Variants in CCDC178 observed in about 807,000 individuals in gnomAD.
CCDC178 encodes the protein coiled-coil domain-containing protein 178.
Under a neutral mutation model 117.4 loss-of-function variants are expected in CCDC178, and 126 were observed. The observed-to-expected ratio is 1.07, with a 90% CI of 0.93 to 1.24. The LOEUF (loss-of-function observed/expected upper bound fraction) is 1.24. CCDC178 is among the 50% of genes most tolerant of loss of function. The probability of loss-of-function intolerance (pLI) is 0.00; values close to 1 mark genes in which losing one functional copy is unlikely to be tolerated. For synonymous variants in CCDC178, 283 were observed against 313.4 expected (o/e 0.90, Z 1.02); for missense variants, 1,030 against 986.9 (o/e 1.04, Z -0.59).
chr18:32,981,289 A>G (rs1320041438), intron 21 of CCDC178, among the ~76,000 whole-genome samples: 1 of 152,252 alleles, frequency 6.6e-6, no homozygotes, highest in Non-Finnish European at 1.5e-5. Context: ...ACTATGTAAA[A>G]ATGGCATTAA....
At chr18:32,942,346 C>T (rs1439154097) in intron 22 of CCDC178, among the ~76,000 whole-genome samples, 1 of 152,084 alleles carries the variant, frequency 6.6e-6, no homozygotes, top group Non-Finnish European at 1.5e-5. Context: ...ATACCACTTC[C>T]AGATCAATCT....
At chr18:33,007,608 T>C (rs2055777701) in intron 21 of CCDC178, among the ~76,000 whole-genome samples, 1 of 152,112 alleles carries the variant, frequency 6.6e-6, no homozygotes, top group South Asian at 2.1e-4. Context: ...TCAAATTATA[T>C]TGGTCCTCAT....
chr18:33,060,843 G>A (rs1459030991), intron 21 of CCDC178, among the ~76,000 whole-genome samples: 6 of 151,956 alleles, frequency 3.9e-5, no homozygotes, highest in Non-Finnish European at 1.5e-5. Context: ...AAAAACAATA[G>A]CACTTAATCA....
At chr18:33,200,646 ATTC>A (rs2058980896) in intron 20 of CCDC178, among the ~76,000 whole-genome samples, 1 of 152,182 alleles carries the variant, frequency 6.6e-6, no homozygotes, top group Non-Finnish European at 1.5e-5. Flanking sequence ...TACTTGAAGT[ATTC>A]TTTTCTTGGC....
chr18:33,163,120 C>A (rs529653557), intron 20 of CCDC178, among the ~76,000 whole-genome samples: 3 of 152,194 alleles, frequency 2.0e-5, no homozygotes, highest in East Asian at 3.9e-4. Flanking sequence ...TTAATAATTG[C>A]CATTCTGACT....
At chr18:33,038,784 T>A (rs1182439547) in intron 21 of CCDC178, among the ~76,000 whole-genome samples, 7 of 151,988 alleles carry the variant, frequency 4.6e-5, no homozygotes, top group Non-Finnish European at 1.0e-4. Context: ...ACAACTTAAA[T>A]GTAGACGAAG....
chr18:33,014,111 T>C (rs2055930030), intron 21 of CCDC178, among the ~76,000 whole-genome samples: 1 of 152,196 alleles, frequency 6.6e-6, no homozygotes, highest in Admixed American at 6.5e-5. Context: ...ATTCTCCTAC[T>C]TCAACTCCTC....
chr18:33,175,042 A>T (rs201498751), intron 20 of CCDC178, among the ~76,000 whole-genome samples: 12 of 126,928 alleles, frequency 9.5e-5, no homozygotes, highest in African/African-American at 2.6e-4. Flanking sequence ...TTATTTTTTT[A>T]TTTTTTTTGG....
intron 2 of CCDC178, among the ~76,000 whole-genome samples, chr18:33,414,368 C>G (rs1339016880): frequency 6.6e-6 from 1 of 151,956 alleles, no homozygotes; most frequent in Non-Finnish European, 1.5e-5. Flanking sequence ...TACATAAGAA[C>G]AGAACAGAGC....
intron 2 of CCDC178, among the ~76,000 whole-genome samples, chr18:33,415,791 T>C (rs1029658178): frequency 2.6e-5 from 4 of 152,180 alleles, no homozygotes; most frequent in African/African-American, 9.7e-5. Context: ...ATATACACTT[T>C]TCCTTATTCC....
At chr18:33,265,625 G>T (rs1267410610) in intron 14 of CCDC178, among the ~76,000 whole-genome samples, 4 of 151,980 alleles carry the variant, frequency 2.6e-5, no homozygotes, top group Admixed American at 2.6e-4. Flanking sequence ...TAATAAGGGT[G>T]AACTGGGAAG....
At chr18:33,091,448 TG>T (rs2057464311) in intron 21 of CCDC178, among the ~76,000 whole-genome samples, 1 of 149,830 alleles carries the variant, frequency 6.7e-6, no homozygotes, top group Non-Finnish European at 1.5e-5. Context: ...GTCGTTCTTT[TG>T]CCTCAGCCTC....
chr18:33,201,450 T>C (rs1415000040), intron 20 of CCDC178, among the ~76,000 whole-genome samples: 1 of 152,186 alleles, frequency 6.6e-6, no homozygotes, highest in Non-Finnish European at 1.5e-5. Flanking sequence ...TAAGAATATA[T>C]AACTCAACAC....
chr18:33,017,174 G>A (rs1337981450), intron 21 of CCDC178, among the ~76,000 whole-genome samples: 2 of 151,776 alleles, frequency 1.3e-5, no homozygotes, highest in Non-Finnish European at 3.0e-5. Flanking sequence ...ATTTACAGAT[G>A]ATATATGACA....
chr18:33,228,497 A>G (rs943605383), intron 15 of CCDC178, among the ~76,000 whole-genome samples: 1 of 152,234 alleles, frequency 6.6e-6, no homozygotes, highest in Non-Finnish European at 1.5e-5. Context: ...TGAAGCTGCA[A>G]GAATAAGACA....
At chr18:33,263,508 T>C (rs149453104) in intron 14 of CCDC178, among the ~76,000 whole-genome samples, 1 of 152,226 alleles carries the variant, frequency 6.6e-6, no homozygotes, top group East Asian at 1.9e-4. Flanking sequence ...TATTATATCA[T>C]GCTGGGAATA....
chr18:33,378,058 T>C (rs1388701388), intron 5 of CCDC178, among the ~76,000 whole-genome samples: 1 of 152,248 alleles, frequency 6.6e-6, no homozygotes, highest in Non-Finnish European at 1.5e-5. Context: ...TAATCGGCAT[T>C]GATTCTTTCA....
chr18:33,394,943 GTATATATATATATATATATATATATATA>G lies in CCDC178; in HGVS notation c.118+2178_118+2205del, dbSNP rs61298209. Among the ~76,000 whole-genome samples, 109 of 61,508 alleles carry G rather than the reference GTATATATATATATATATATATATATATA, an allele frequency of 1.8e-3. 2 individuals are homozygous for G. The highest frequency in any genetic ancestry group is 0.015 in the Middle Eastern group (1 of 66). 40.4% of individuals were successfully genotyped at this position (61,508 alleles called of 152,430 possible). On this transcript the variant is annotated intron_variant, in intron 4 of 22. Coordinates refer to ENST00000383096, the MANE Select transcript of CCDC178 (RefSeq NM_001105528.4). ...ACTTTAAAAGCCTGTATATGTATGT[GTATATATATATATATATATATATATATA>G]TATATATATATATATATGTATACAT...
chr18:33,317,121 T>C (rs575599968), intron 11 of CCDC178, among the ~76,000 whole-genome samples: 1 of 152,258 alleles, frequency 6.6e-6, no homozygotes, highest in South Asian at 2.1e-4. Context: ...CCTTCCACAC[T>C]GTGGAAGCTT....
Sources: allele counts gnomAD v4.1 joint callset (sites outside exome capture counted in the v4.1 genomes callset), GRCh38; gene constraint gnomAD v4.1.1; transcripts MANE v1.5; gene names NCBI Gene and HGNC (gene_info 2026-07-23, HGNC 2026-07-21).